CNIH2: variants seen among roughly 807,000 people sequenced by gnomAD.
CNIH2 encodes the protein protein cornichon homolog 2.
A neutral mutation model predicts 22.9 loss-of-function variants in CNIH2; 8 were observed. The observed-to-expected ratio is 0.35, with a 90% CI of 0.20 to 0.63. CNIH2 has a LOEUF of 0.63. CNIH2 is among the 30% of genes least tolerant of loss of function. The pLI is 0.72. For missense variants in CNIH2, 105 were observed against 206.2 expected, an observed-to-expected ratio of 0.51 and a Z score of 3.01; for synonymous variants, 74 against 78.2, an observed-to-expected ratio of 0.95 and a Z score of 0.28.
intron 1 of CNIH2, 36 bp downstream of exon 1, chr11:66,278,573 T>TG (rs766487617): frequency 1.7e-4 from 25 of 147,258 alleles, no homozygotes; most frequent in African/African-American, 1.4e-3. Flanking sequence ...GGGGGCGGGG[T>TG]GGGGGGCAGG....
Position 66,283,260 on chromosome 11 carries a change from T to A in CNIH2, c.324T>A (p.Arg108=). The A allele has an allele frequency of 6.2e-7, 1 of 1,614,012 alleles. No homozygotes were observed. The highest frequency in any genetic ancestry group is 8.5e-7 in the Non-Finnish European group (1 of 1,179,970). ...CTGTCTGCCCCAGGTACTTCCACCGTCCTGCAGATGGCTCTGAGGTCATGT... is the reference window on the plus strand; with the variant it reads ...CTGTCTGCCCCAGGTACTTCCACCGACCTGCAGATGGCTCTGAGGTCATGT... ...LFYHLWRYFH[R]PADGSEVMYD... is the part of the protein sequence containing the mutation. The change falls in exon 5 of 6, where the codon CGT becomes CGA. Residue 108 remains arginine (R), a synonymous_variant. Transcript: ENST00000311445.
intron 1 of CNIH2, among the ~76,000 whole-genome samples, 181 bp downstream of exon 1, chr11:66,278,718 C>G (rs1482472162): frequency 2.7e-5 from 4 of 150,932 alleles, no homozygotes; most frequent in Non-Finnish European, 4.4e-5. Context: ...CGGGGCCCCC[C>G]TTCCTCCGCC....
intron 2 of CNIH2, 22 bp from the exon 3 acceptor site, chr11:66,282,711 G>A (rs747496563): frequency 1.9e-6 from 3 of 1,613,586 alleles, no homozygotes; most frequent in Non-Finnish European, 2.5e-6. Flanking sequence ...ACCCCATCGC[G>A]GCCTTTTCCT....
chr11:66,282,416 GGT>G, intron 2 of CNIH2, 89 bp downstream of exon 2: 2 of 1,047,174 alleles, frequency 1.9e-6, no homozygotes, highest in Non-Finnish European at 2.9e-6. Context: ...GGAAGACGGG[GGT>G]GGGGTGGGGG....
At chr11:66,278,915 G>GCGC (rs1857211047) in intron 1 of CNIH2, among the ~76,000 whole-genome samples, 1 of 30,100 alleles carries the variant, frequency 3.3e-5, no homozygotes, top group Non-Finnish European at 6.1e-5. Context: ...TCTGTCTGCT[G>GCGC]CCCCCCCCCC....
intron 1 of CNIH2, among the ~76,000 whole-genome samples, chr11:66,280,716 G>C (rs1453309157): frequency 6.6e-6 from 1 of 152,166 alleles, no homozygotes; most frequent in Non-Finnish European, 1.5e-5. Flanking sequence ...TGTGGACCCT[G>C]TTGCTGTGCG....
Position 66,284,006 on chromosome 11 carries a change from G to C in CNIH2, c.*409G>C, listed in dbSNP as rs975308832. The C allele has an allele frequency of 4.6e-6, 1 of 219,018 alleles. No individual in the cohort carries two copies. Among genetic ancestry groups the C allele is most frequent in the Non-Finnish European group, 9.3e-6 (1 of 107,416 alleles). The allele number at this position is 219,018 out of a possible 1,614,324, so 13.6% of individuals were successfully genotyped here. Reference sequence around the variant, plus strand: ...GCAGGTGGGGGGGTACCCGCACCGGGAATGAGCAGGCTCAGCAGGGGGGCA... The same window carrying C: ...GCAGGTGGGGGGGTACCCGCACCGGCAATGAGCAGGCTCAGCAGGGGGGCA... On this transcript the variant is annotated 3_prime_UTR_variant, in exon 6 of 6. Coordinates refer to ENST00000311445, the MANE Select transcript of CNIH2 (RefSeq NM_182553.3).
chr11:66,279,802 C>T (rs1857232083), intron 1 of CNIH2, among the ~76,000 whole-genome samples: 1 of 152,194 alleles, frequency 6.6e-6, no homozygotes, highest in Non-Finnish European at 1.5e-5. Context: ...GAGTGAGCCC[C>T]CAAAGGCACC....
intron 1 of CNIH2, chr11:66,281,488 A>G (rs1201187095): frequency 2.2e-6 from 1 of 456,264 alleles, no homozygotes; most frequent in South Asian, 1.5e-5. Context: ...ATCCTGAGAC[A>G]TGGACCAATC....
chr11:66,282,617 G>T (rs1003045695), intron 2 of CNIH2, 116 bp from the exon 3 acceptor site: 9 of 1,268,166 alleles, frequency 7.1e-6, no homozygotes, highest in Admixed American at 2.0e-5. Context: ...CGGCCGTGCC[G>T]ACAGTGCCGC....
rs981462834 is a variant in CNIH2, at chr11:66,278,238, A to T, written c.-219A>T. On this transcript the variant is annotated 5_prime_UTR_variant, in exon 1 of 6. Transcript: ENST00000311445. ...CGGGCGAGGGATCGCAGGATGAGCG[A>T]TCGGGGCCCGGGCAGCCGGCAGCGG... The T allele has an allele frequency of 6.8e-6, 1 of 147,350 alleles. No homozygotes were observed. The highest frequency in any genetic ancestry group is 2.4e-5 in the African/African-American group (1 of 40,870). 9.1% of individuals were successfully genotyped at this position (147,350 alleles called of 1,614,324 possible).
chr11:66,282,423 T>TCTGGGGGGGGGGGGGGG, intron 2 of CNIH2, 96 bp downstream of exon 2: 1 of 147,062 alleles, frequency 6.8e-6, no homozygotes, highest in Non-Finnish European at 1.3e-5. Flanking sequence ...GGGGGTGGGG[T>TCTGGGGGGGGGGGGGGG]GGGGGGCCTA....
At chr11:66,280,664 G>A (rs565707969) in intron 1 of CNIH2, among the ~76,000 whole-genome samples, 1 of 152,188 alleles carries the variant, frequency 6.6e-6, no homozygotes, top group Non-Finnish European at 1.5e-5. Context: ...CCGCCTGCTG[G>A]TGGTGCCAGC....
chr11:66,278,837 G>A (rs1375227066), intron 1 of CNIH2, among the ~76,000 whole-genome samples: 1 of 136,792 alleles, frequency 7.3e-6, no homozygotes, highest in Non-Finnish European at 1.5e-5. Context: ...TGGCATTTTT[G>A]TTGCTTTATC....
At chr11:66,282,204 G>T (rs1436396813) in intron 1 of CNIH2, 55 bp from the exon 2 acceptor site, 2 of 1,471,072 alleles carry the variant, frequency 1.4e-6, no homozygotes, top group Non-Finnish European at 1.9e-6. Flanking sequence ...GAAGGACTTG[G>T]GGGAAGGCCA....
intron 1 of CNIH2, among the ~76,000 whole-genome samples, chr11:66,280,861 TG>T (rs1212214960): frequency 6.6e-6 from 1 of 152,018 alleles, no homozygotes; most frequent in East Asian, 1.9e-4. Flanking sequence ...CTGGGGGTGG[TG>T]GGCCTGCTGC....
chr11:66,283,176 T>G, intron 4 of CNIH2, 29 bp downstream of exon 4: 2 of 1,612,844 alleles, frequency 1.2e-6, no homozygotes, highest in East Asian at 2.2e-5. Flanking sequence ...TTGGGGAGGC[T>G]GAGATGGGGA....
chr11:66,282,215 T>C lies in CNIH2; in HGVS notation c.82-44T>C, dbSNP rs369497283. ...CACAGAAGGACTTGGGGGAAGGCCA[T>C]AAGCTGCTGCCCCAACCCTGACGGG... is the stretch of plus-strand genomic sequence containing the variant. On this transcript the variant is annotated intron_variant, in intron 1 of 5. Transcript: ENST00000311445. 1.6e-5 allele frequency: 25 copies of C among 1,553,062 alleles called. No individual in the cohort carries two copies. In the Admixed American group the frequency reaches 1.7e-4, roughly 10 times the overall value.
chr11:66,278,686 C>T (rs1374275462), intron 1 of CNIH2, 149 bp downstream of exon 1: 6 of 429,356 alleles, frequency 1.4e-5, no homozygotes, highest in Non-Finnish European at 2.2e-5. Flanking sequence ...CCATTAACAC[C>T]CCCCGTGGTC....
Sources: gnomAD v4.1 joint callset for allele counts (sites outside exome capture counted in the v4.1 genomes callset) on GRCh38, gnomAD v4.1.1 for gene constraint, MANE v1.5 for transcripts, NCBI Gene and HGNC (gene_info 2026-07-23, HGNC 2026-07-21) for gene names.